AIG1: variants seen among roughly 807,000 people sequenced by gnomAD.
The protein encoded by AIG1 is androgen induced 1.
Under a neutral mutation model 31.4 loss-of-function variants are expected in AIG1, and 23 were observed. That is an observed-to-expected ratio of 0.73 (90% confidence interval 0.53 to 1.04). AIG1 has a LOEUF of 1.04. Ranked by LOEUF, AIG1 falls within the 50% of genes least tolerant of loss-of-function variation. The probability of loss-of-function intolerance (pLI) is 0.00; values close to 1 mark genes in which losing one functional copy is unlikely to be tolerated. For synonymous variants in AIG1, 100 were observed against 110.5 expected (o/e 0.90, Z 0.60); for missense variants, 274 against 295.0 (o/e 0.93, Z 0.52).
At chr6:143,269,358 C>G (rs77110413) in intron 3 of AIG1, among the ~76,000 whole-genome samples, 1 of 152,246 alleles carries the variant, frequency 6.6e-6, no homozygotes, top group Admixed American at 6.5e-5. Context: ...CTCTCATACA[C>G]TGCTGACGGG....
At chr6:143,302,398 C>G (rs1449816075) in intron 4 of AIG1, among the ~76,000 whole-genome samples, 3 of 151,640 alleles carry the variant, frequency 2.0e-5, no homozygotes, top group African/African-American at 7.3e-5. Flanking sequence ...CAACAGTCCT[C>G]AGAGTGTGAC....
chr6:143,064,001 G>A (rs947100678), intron 1 of AIG1, among the ~76,000 whole-genome samples: 1 of 152,122 alleles, frequency 6.6e-6, no homozygotes, highest in African/African-American at 2.4e-5. Context: ...TCTTTTCCTA[G>A]TATTGAGAAA....
chr6:143,237,875 G>T (rs1205152157), intron 3 of AIG1, among the ~76,000 whole-genome samples: 1 of 152,176 alleles, frequency 6.6e-6, no homozygotes, highest in African/African-American at 2.4e-5. Context: ...GAAGTCAAAG[G>T]GTAAGTGTTT....
intron 3 of AIG1, among the ~76,000 whole-genome samples, chr6:143,219,158 C>A (rs191100820): frequency 6.6e-6 from 1 of 152,264 alleles, no homozygotes; most frequent in African/African-American, 2.4e-5. Flanking sequence ...GTAGCAAATG[C>A]CATATCTGTA....
intron 1 of AIG1, among the ~76,000 whole-genome samples, chr6:143,124,262 G>A (rs1782484243): frequency 6.6e-6 from 1 of 152,220 alleles, no homozygotes; most frequent in African/African-American, 2.4e-5. Flanking sequence ...AGGAGGAAGG[G>A]CCTCTCTTAC....
At chr6:143,335,131 C>A in intron 5 of AIG1, 1 of 1,411,604 alleles carries the variant, frequency 7.1e-7, no homozygotes, top group Non-Finnish European at 9.3e-7. Context: ...TAAGTATCAT[C>A]CTCATTTACA....
intron 4 of AIG1, among the ~76,000 whole-genome samples, chr6:143,313,839 A>C (rs1420027083): frequency 6.6e-6 from 1 of 152,046 alleles, no homozygotes; most frequent in African/African-American, 2.4e-5. Context: ...AACCCACAAC[A>C]ATCAAAACTT....
At chr6:143,336,352 A>G (rs1453690001) in intron 5 of AIG1, among the ~76,000 whole-genome samples, 2 of 152,086 alleles carry the variant, frequency 1.3e-5, no homozygotes, top group Non-Finnish European at 2.9e-5. Context: ...ATCGAAACCG[A>G]CCCTTTCCTT....
rs116249408 is a variant in AIG1 at position 143,274,310 on chromosome 6, A to G, written c.400-9800A>G. Among the ~76,000 whole-genome samples the G allele has an allele frequency of 5.6e-3, 859 of 152,330 alleles. 3 individuals are homozygous for G. Among genetic ancestry groups the G allele is most frequent in the African/African-American group, 0.019 (775 of 41,572 alleles). ...CACAAACTCACCACCTTCCAGTTGG[A>G]TAAACTTGTGCAACTTTCTTAACTT... On this transcript the variant is annotated intron_variant, in intron 3 of 5. Coordinates refer to ENST00000357847, the MANE Select transcript of AIG1 (RefSeq NM_016108.4).
At chr6:143,077,149 A>T (rs1401624879) in intron 1 of AIG1, among the ~76,000 whole-genome samples, 2 of 152,008 alleles carry the variant, frequency 1.3e-5, no homozygotes, top group African/African-American at 4.8e-5. Context: ...ACCCTCCTTG[A>T]TTTGTGTCAT....
intron 2 of AIG1, among the ~76,000 whole-genome samples, chr6:143,150,752 A>G (rs959219676): frequency 6.6e-6 from 1 of 152,210 alleles, no homozygotes; most frequent in Non-Finnish European, 1.5e-5. Context: ...AATCACCCAC[A>G]TGAAGTAGAT....
chr6:143,327,365 C>T lies in AIG1; in HGVS notation c.516-5917C>T. On this transcript the variant is annotated intron_variant, in intron 4 of 5. Coordinates refer to ENST00000357847, the MANE Select transcript of AIG1 (RefSeq NM_016108.4). The surrounding 1 kb of genome is among the most constrained non-coding windows in gnomAD (Gnocchi z 5.3). Reference sequence around the variant, plus strand: ...TCGTTGATGATACACCATCAACATTCACAAGCGCGTCCATGGAGTGGGCTT... The same window carrying T: ...TCGTTGATGATACACCATCAACATTTACAAGCGCGTCCATGGAGTGGGCTT... 1 of 277,964 alleles carries T rather than the reference C, an allele frequency of 3.6e-6. No homozygotes were observed. The highest frequency in any genetic ancestry group is 7.0e-6 in the Non-Finnish European group (1 of 143,224). 17.2% of individuals were successfully genotyped at this position (277,964 alleles called of 1,614,324 possible). A position where few individuals can be genotyped will look rare whatever the true frequency, so the allele number is the denominator to read the frequency against.
At chr6:143,171,453 T>G (rs1323273864) in intron 3 of AIG1, among the ~76,000 whole-genome samples, 1 of 56,828 alleles carries the variant, frequency 1.8e-5, no homozygotes, top group African/African-American at 1.3e-4. Flanking sequence ...ATATATATAT[T>G]TAATATATAT....
At chr6:143,130,064 G>T (rs1783073937) in intron 1 of AIG1, among the ~76,000 whole-genome samples, 1 of 151,188 alleles carries the variant, frequency 6.6e-6, no homozygotes, top group East Asian at 2.0e-4. Flanking sequence ...CTGAGTAGCT[G>T]GGACCACAGG....
At chr6:143,260,489 T>A (rs1470308012) in intron 3 of AIG1, among the ~76,000 whole-genome samples, 1 of 152,242 alleles carries the variant, frequency 6.6e-6, no homozygotes, top group African/African-American at 2.4e-5. Context: ...TCCATGATAA[T>A]AGATTCCCTG....
intron 4 of AIG1, among the ~76,000 whole-genome samples, chr6:143,332,943 C>T (rs1264922129): frequency 6.6e-6 from 1 of 152,128 alleles, no homozygotes; most frequent in Non-Finnish European, 1.5e-5. Flanking sequence ...CACAGGAATA[C>T]TGGGAAATTC....
chr6:143,242,069 A>G (rs1175728487), intron 3 of AIG1, among the ~76,000 whole-genome samples: 1 of 152,128 alleles, frequency 6.6e-6, no homozygotes, highest in East Asian at 1.9e-4. Flanking sequence ...CTGTGTTTTG[A>G]TCTCTGTCGA....
At chr6:143,303,911 G>T (rs1048173354) in intron 4 of AIG1, among the ~76,000 whole-genome samples, 16 of 147,600 alleles carry the variant, frequency 1.1e-4, no homozygotes, top group Non-Finnish European at 2.1e-4. Context: ...TTGAGCAGTG[G>T]TTTGTAGTTC....
Position 143,280,893 on chromosome 6 carries a change from T to A in AIG1, c.400-3217T>A, listed in dbSNP as rs959923002. 2.4e-4 allele frequency among the ~76,000 whole-genome samples: 37 copies of A among 152,218 alleles called. No homozygotes were observed. The highest frequency in any genetic ancestry group is 8.0e-4 in the African/African-American group (33 of 41,450). Reference sequence around the variant, plus strand: ...TAAAATAAAAGTTAAAAAAAAGTTCTGACTTTATGCTAGCTAATGTTATTG... The same window carrying A: ...TAAAATAAAAGTTAAAAAAAAGTTCAGACTTTATGCTAGCTAATGTTATTG... On this transcript the variant is annotated intron_variant, in intron 3 of 5. Transcript: ENST00000357847. This position sits in a 1 kb window ranked among gnomAD's most constrained non-coding sequence, Gnocchi z 4.1.
Sources: allele counts gnomAD v4.1 joint callset (sites outside exome capture counted in the v4.1 genomes callset), GRCh38; gene constraint gnomAD v4.1.1; non-coding constraint Gnocchi (gnomAD v3.1); transcripts MANE v1.5; gene names NCBI Gene and HGNC (gene_info 2026-07-23, HGNC 2026-07-21).